The following ABCB5 variants were observed in gnomAD, a reference collection of about 807,000 sequenced individuals.
The protein encoded by ABCB5 is ATP binding cassette subfamily B member 5, also known as ATP-binding cassette sub-family B member 5.
A neutral mutation model predicts 144.2 loss-of-function variants in ABCB5; 155 were observed. The ratio of observed to expected loss-of-function variants is 1.08; its 90% CI spans 0.94 to 1.23. ABCB5 has a LOEUF of 1.23. Among genes scored for constraint, ABCB5 ranks in the 50% most tolerant of loss-of-function variants. The probability of loss-of-function intolerance (pLI) is 0.00; values close to 1 mark genes in which losing one functional copy is unlikely to be tolerated. For missense variants in ABCB5, 1,830 were observed against 1,520.8 expected (o/e 1.20, Z -3.38); for synonymous variants, 610 against 528.6 (o/e 1.15, Z -2.11).
intron 26 of ABCB5, among the ~76,000 whole-genome samples, chr7:20,746,166 C>G (rs1179899283): frequency 2.6e-5 from 4 of 151,876 alleles, no homozygotes; most frequent in Non-Finnish European, 4.4e-5. Context: ...ATGGTGCAAT[C>G]TCAGCTCACT....
chr7:20,732,893 G>A (rs1026704110), intron 23 of ABCB5, among the ~76,000 whole-genome samples: 2 of 152,286 alleles, frequency 1.3e-5, no homozygotes, highest in Non-Finnish European at 1.5e-5. Context: ...CCGTTAGGAT[G>A]TTTCCTTTAA....
chr7:20,662,374 T>C (rs1232502215), intron 14 of ABCB5, among the ~76,000 whole-genome samples: 1 of 152,150 alleles, frequency 6.6e-6, no homozygotes, highest in Non-Finnish European at 1.5e-5. Context: ...GACTGGACAA[T>C]AAGGAAATTG....
At chr7:20,727,994 C>A (rs550790989) in intron 22 of ABCB5, among the ~76,000 whole-genome samples, 1 of 152,276 alleles carries the variant, frequency 6.6e-6, no homozygotes, top group South Asian at 2.1e-4. Context: ...CTTCTAAATA[C>A]CTAAACCAAA....
At position 20,685,712 on chromosome 7, in the gene ABCB5, A is replaced by C; in HGVS notation, c.1886A>C (p.Asp629Ala). 4 of 1,609,298 alleles carry C rather than the reference A, an allele frequency of 2.5e-6. No individual in the cohort carries two copies. In the African/African-American group the frequency reaches 4.0e-5, roughly 16 times the overall value. Residue 629 changes from aspartate to alanine, a missense_variant, in exon 16 of 28, where the codon GAT becomes GCT. Coordinates refer to ENST00000404938, the MANE Select transcript of ABCB5 (RefSeq NM_001163941.2). ...LVMSQDIKKA[D>A]EQMESMTYST... ...TCCTGTAAGGATATTAAAAAAGCTGATGAACAGATGGAGTCAATGACATAT... is the reference window on the plus strand; with the variant it reads ...TCCTGTAAGGATATTAAAAAAGCTGCTGAACAGATGGAGTCAATGACATAT...
intron 20 of ABCB5, among the ~76,000 whole-genome samples, chr7:20,714,348 CA>C (rs374402106): frequency 5.7e-4 from 84 of 146,932 alleles, no homozygotes; most frequent in Admixed American, 2.2e-3. Context: ...TTCTTAATTT[CA>C]AAAAAAAAAC....
At chr7:20,656,163 G>A (rs898683237) in intron 13 of ABCB5, among the ~76,000 whole-genome samples, 4 of 152,158 alleles carry the variant, frequency 2.6e-5, no homozygotes, top group Non-Finnish European at 5.9e-5. Flanking sequence ...TACCAAAATT[G>A]TAAAGCGTAA....
intron 24 of ABCB5, among the ~76,000 whole-genome samples, chr7:20,742,453 C>T (rs2128055225): frequency 6.6e-6 from 1 of 152,226 alleles, no homozygotes; most frequent in East Asian, 1.9e-4. Flanking sequence ...AAACATGGCC[C>T]AATTTAGAGA....
In ABCB5 at chr7:20,755,875, G is replaced by T. The variant is rs1783073956; in HGVS notation, c.*251G>T. On this transcript the variant is annotated 3_prime_UTR_variant, in exon 28 of 28. Transcript: ENST00000404938. The stretch of plus-strand genomic sequence containing the variant: ...TTTATAAAACTATTCTAGCACATTT[G>T]CTTGTAAAGCAGTTTTCTACAAGGT... The T allele has an allele frequency of 4.9e-6, 2 of 406,476 alleles. No individual in the cohort carries two copies. Among genetic ancestry groups the T allele is most frequent in the African/African-American group, 2.0e-5 (1 of 49,312 alleles). The allele number at this position is 406,476 out of a possible 1,614,324, so 25.2% of individuals were successfully genotyped here.
intron 26 of ABCB5, among the ~76,000 whole-genome samples, chr7:20,751,344 C>T (rs755754237): frequency 3.2e-4 from 48 of 152,054 alleles, no homozygotes; most frequent in Non-Finnish European, 5.6e-4. Flanking sequence ...TGGTGGCGGG[C>T]GCCTGTAGTT....
At chr7:20,735,055 A>C (rs1369460336) in intron 23 of ABCB5, among the ~76,000 whole-genome samples, 1 of 152,194 alleles carries the variant, frequency 6.6e-6, no homozygotes, top group Non-Finnish European at 1.5e-5. Flanking sequence ...CCCCACTGCA[A>C]AGCTTTCTCT....
At chr7:20,712,130 C>T (rs1294359109) in intron 20 of ABCB5, among the ~76,000 whole-genome samples, 2 of 119,736 alleles carry the variant, frequency 1.7e-5, no homozygotes, top group African/African-American at 6.6e-5. Context: ...AGTCCCACTC[C>T]AGCCTGGGTG....
intron 5 of ABCB5, among the ~76,000 whole-genome samples, chr7:20,632,992 C>T (rs1246724590): frequency 1.3e-5 from 2 of 150,088 alleles, no homozygotes; most frequent in Non-Finnish European, 3.0e-5. Context: ...GCACATGTAC[C>T]CTAAAACTTA....
chr7:20,646,786 A>G (rs930928093), intron 9 of ABCB5, among the ~76,000 whole-genome samples: 9 of 152,208 alleles, frequency 5.9e-5, no homozygotes, highest in Non-Finnish European at 1.3e-4. Context: ...TGGCCTTTCC[A>G]TTCTTACAGA....
chr7:20,640,025 T>C (rs1784259481), intron 5 of ABCB5, among the ~76,000 whole-genome samples: 2 of 152,150 alleles, frequency 1.3e-5, no homozygotes, highest in Middle Eastern at 3.2e-3. Flanking sequence ...CTTTAACTTC[T>C]CCTAATAATG....
chr7:20,658,453 C>A (rs927912185), intron 13 of ABCB5, 53 bp from the exon 14 acceptor site: 2 of 1,566,006 alleles, frequency 1.3e-6, no homozygotes, highest in African/African-American at 1.4e-5. Flanking sequence ...CCTGTTCTAA[C>A]CATTTGATCA....
At chr7:20,630,563 G>A (rs1448230944) in intron 4 of ABCB5, among the ~76,000 whole-genome samples, 1 of 152,044 alleles carries the variant, frequency 6.6e-6, no homozygotes, top group East Asian at 1.9e-4. Context: ...ACAAAATTAA[G>A]GATATAAGTG....
chr7:20,651,558 G>C lies in ABCB5; in HGVS notation c.1471G>C (p.Asp491His). 6.2e-7 allele frequency: 1 copy of C among 1,614,132 alleles called. No homozygotes were observed. The highest frequency in any genetic ancestry group is 8.5e-7 in the Non-Finnish European group (1 of 1,180,012). Residue 491 changes from aspartate (D) to histidine (H), a missense_variant, in exon 13 of 28, where the codon GAT becomes CAT. By Grantham distance (81) the Asp-to-His change is moderately conservative. Coordinates refer to ENST00000404938, the MANE Select transcript of ABCB5 (RefSeq NM_001163941.2). ...CAAGTATGGACGAGATGATGTGACT[G>C]ATGAAGAGATGGAGAGAGCAGCAAG... ...NIKYGRDDVT[D>H]EEMERAAREA...
rs924474699 is a variant in ABCB5, at chr7:20,616,806, C to T, written c.-22+969C>T. Among the ~76,000 whole-genome samples the T allele has an allele frequency of 1.2e-4, 18 of 152,320 alleles. 1 individual carries two copies. The highest frequency in any genetic ancestry group is 4.1e-4 in the African/African-American group (17 of 41,570). Reference sequence around the variant, plus strand: ...TAACAGAGAGGAACATGGGGGCAGCCATCATAGTCAACCTGTAGCTTTCCA... The same window carrying T: ...TAACAGAGAGGAACATGGGGGCAGCTATCATAGTCAACCTGTAGCTTTCCA... On this transcript the variant is annotated intron_variant, in intron 1 of 27. Transcript: ENST00000404938.
intron 26 of ABCB5, among the ~76,000 whole-genome samples, chr7:20,747,651 T>G (rs1022654592): frequency 6.6e-6 from 1 of 152,216 alleles, no homozygotes; most frequent in African/African-American, 2.4e-5. Flanking sequence ...AAAAATCCAC[T>G]GTGCTAACTT....
Sources: allele counts gnomAD v4.1 joint callset (sites outside exome capture counted in the v4.1 genomes callset), GRCh38; gene constraint gnomAD v4.1.1; transcripts MANE v1.5; gene names NCBI Gene and HGNC (gene_info 2026-07-23, HGNC 2026-07-21).